The following TANGO6 variants were observed in gnomAD, a reference collection of about 807,000 sequenced individuals.
The protein encoded by TANGO6 is transport and Golgi organization protein 6 homolog.
A neutral mutation model predicts 114.2 loss-of-function variants in TANGO6; 90 were observed. The ratio of observed to expected loss-of-function variants is 0.79; its 90% CI spans 0.66 to 0.94. The LOEUF is 0.94. Ranked by LOEUF, TANGO6 falls within the 40% of genes least tolerant of loss-of-function variation. The pLI, the probability that TANGO6 is intolerant of heterozygous loss-of-function variation, is 0.00. For missense variants in TANGO6, 1,274 were observed against 1,315.3 expected, an observed-to-expected ratio of 0.97 and a Z score of 0.49; for synonymous variants, 477 against 509.8, an observed-to-expected ratio of 0.94 and a Z score of 0.87.
chr16:68,973,599 C>T (rs1963731771), intron 14 of TANGO6, among the ~76,000 whole-genome samples: 1 of 152,148 alleles, frequency 6.6e-6, no homozygotes, highest in African/African-American at 2.4e-5. Flanking sequence ...TCAGGGTCTT[C>T]CCTATTTCTG....
chr16:68,962,463 C>A (rs1207836529), intron 14 of TANGO6, among the ~76,000 whole-genome samples: 1 of 152,114 alleles, frequency 6.6e-6, no homozygotes, highest in Non-Finnish European at 1.5e-5. Context: ...ATTTTCATAT[C>A]TTCTTTCTAG....
chr16:68,936,873 G>C (rs1483082823), intron 14 of TANGO6, among the ~76,000 whole-genome samples: 1 of 151,808 alleles, frequency 6.6e-6, no homozygotes, highest in Non-Finnish European at 1.5e-5. Context: ...CCAGTGTGTA[G>C]AGTGAAGAGA....
At chr16:69,060,602 A>AG in intron 17 of TANGO6, among the ~76,000 whole-genome samples, 1 of 151,954 alleles carries the variant, frequency 6.6e-6, no homozygotes, top group East Asian at 1.9e-4. Context: ...TCTTAAAAAA[A>AG]AAAAGAAAAA....
At chr16:68,932,244 C>T (rs1191207961) in intron 14 of TANGO6, among the ~76,000 whole-genome samples, 1 of 152,120 alleles carries the variant, frequency 6.6e-6, no homozygotes, top group East Asian at 1.9e-4. Flanking sequence ...GCATGTGCCA[C>T]CACACCTGGC....
intron 3 of TANGO6, among the ~76,000 whole-genome samples, chr16:68,866,650 T>C (rs1490903095): frequency 7.3e-6 from 1 of 136,646 alleles, no homozygotes; most frequent in Non-Finnish European, 1.6e-5. Flanking sequence ...AAAAAAGTAA[T>C]GTCTAGCTGG....
intron 17 of TANGO6, 93 bp from the exon 18 acceptor site, chr16:69,083,392 C>T: frequency 2.1e-6 from 3 of 1,411,196 alleles, no homozygotes; most frequent in African/African-American, 1.4e-5. Context: ...GATGTCCTCA[C>T]AGATCTCCTC....
chr16:68,945,072 T>C (rs1234170236), intron 14 of TANGO6, among the ~76,000 whole-genome samples: 2 of 152,090 alleles, frequency 1.3e-5, no homozygotes, highest in African/African-American at 2.4e-5. Context: ...ACCCAGGAGG[T>C]AGAGGTTGCA....
At chr16:69,028,059 A>C (rs534613459) in intron 16 of TANGO6, among the ~76,000 whole-genome samples, 3 of 152,050 alleles carry the variant, frequency 2.0e-5, no homozygotes, top group African/African-American at 7.2e-5. Context: ...TGCCGGGTTC[A>C]AGTGATTCTC....
At position 68,974,065 on chromosome 16, in the gene TANGO6, C is replaced by G; in HGVS notation, c.2739C>G (p.Ile913Met). The G allele has an allele frequency of 1.9e-6, 3 of 1,612,752 alleles. No individual in the cohort carries two copies. Among genetic ancestry groups the G allele is most frequent in the Non-Finnish European group, 2.5e-6 (3 of 1,179,430 alleles). Residue 913 changes from isoleucine (I) to methionine (M), a missense_variant, in exon 15 of 18, where the codon ATC becomes ATG. Around this residue, in one of 5 missense-constraint regions of TANGO6, gnomAD observed 238 missense variants for 252.9 expected, o/e 0.94. Coordinates refer to ENST00000261778, the MANE Select transcript of TANGO6 (RefSeq NM_024562.2). ...TGTCAGACGTCTATCCTGAGAAAAT[C>G]TTGCCGGACTTGTTGGCTCAATATG... ...ALLSDVYPEK[I>M]LPDLLAQYDS...
At chr16:68,893,513 C>A (rs889428583) in intron 7 of TANGO6, among the ~76,000 whole-genome samples, 1 of 151,852 alleles carries the variant, frequency 6.6e-6, no homozygotes, top group Non-Finnish European at 1.5e-5. Flanking sequence ...GTGGGGCTGG[C>A]GGACCACTTG....
chr16:68,900,498 T>TC lies in TANGO6; in HGVS notation c.1442_1443insC (p.Leu482AlafsTer9). 6.2e-7 allele frequency: 1 copy of TC among 1,613,834 alleles called. No homozygotes were observed. Among genetic ancestry groups the TC allele is most frequent in the South Asian group, 1.1e-5 (1 of 91,072 alleles). ...GATTCCCTGCTTCCAGTCCTGGGAG[T>TC]GCTTTTTCTTCTCTACTGTTTTACT... On this transcript the variant is annotated frameshift_variant, in exon 8 of 18. Transcript: ENST00000261778. LOFTEE classifies it high-confidence loss of function.
At chr16:68,866,072 G>A (rs893916320) in intron 3 of TANGO6, among the ~76,000 whole-genome samples, 2 of 152,148 alleles carry the variant, frequency 1.3e-5, no homozygotes, top group Non-Finnish European at 2.9e-5. Context: ...TTGGAAGCTG[G>A]ATTTGTTTGT....
chr16:68,969,138 G>A (rs948130222), intron 14 of TANGO6, among the ~76,000 whole-genome samples: 1 of 152,110 alleles, frequency 6.6e-6, no homozygotes, highest in Non-Finnish European at 1.5e-5. Flanking sequence ...CCTACGGTCA[G>A]AGCAGAAAGA....
At chr16:68,973,986 C>T (rs368743351) in intron 14 of TANGO6, 42 bp from the exon 15 acceptor site, 17 of 1,562,298 alleles carry the variant, frequency 1.1e-5, no homozygotes, top group Admixed American at 9.7e-5. Context: ...GCCTTTTGAT[C>T]GTAAACAGTA....
chr16:68,993,249 T>C (rs1963961157), intron 15 of TANGO6, among the ~76,000 whole-genome samples: 1 of 152,190 alleles, frequency 6.6e-6, no homozygotes, highest in African/African-American at 2.4e-5. Context: ...ATAATTATGC[T>C]TAGATGTTTC....
intron 7 of TANGO6, 133 bp downstream of exon 7, chr16:68,880,763 G>A (rs1962449190): frequency 1.2e-5 from 6 of 494,878 alleles, no homozygotes; most frequent in African/African-American, 6.1e-5. Context: ...GGCCTCAAGC[G>A]ATCCTCCTTC....
chr16:68,893,909 A>G (rs1231196531), intron 7 of TANGO6, among the ~76,000 whole-genome samples: 1 of 152,150 alleles, frequency 6.6e-6, no homozygotes, highest in African/African-American at 2.4e-5. Context: ...ACATAAGCAC[A>G]GTCCAAGGAA....
intron 12 of TANGO6, among the ~76,000 whole-genome samples, chr16:68,922,483 C>G (rs1042061887): frequency 6.6e-6 from 1 of 151,736 alleles, no homozygotes; most frequent in Admixed American, 6.6e-5. Flanking sequence ...TTGCGGTGAG[C>G]GGAGACCATG....
intron 7 of TANGO6, among the ~76,000 whole-genome samples, chr16:68,898,939 T>C (rs936831599): frequency 7.4e-6 from 1 of 135,956 alleles, no homozygotes. Flanking sequence ...TACTTGCAAT[T>C]ATCTGCCTTA....
Sources: allele counts gnomAD v4.1 joint callset (sites outside exome capture counted in the v4.1 genomes callset), GRCh38; gene constraint gnomAD v4.1.1; regional missense constraint gnomAD v4.1.1; transcripts MANE v1.5; gene names NCBI Gene and HGNC (gene_info 2026-07-23, HGNC 2026-07-21).